The following CEACAM21 variants were observed in gnomAD, a reference collection of about 807,000 sequenced individuals.
CEACAM21 encodes cell adhesion molecule CEACAM21.
Under a neutral mutation model 33.2 loss-of-function variants are expected in CEACAM21, and 38 were observed. The ratio of observed to expected loss-of-function variants is 1.14; its 90% CI spans 0.88 to 1.50. CEACAM21 has a LOEUF of 1.50. Among genes scored for constraint, CEACAM21 ranks in the 40% most tolerant of loss-of-function variants. The pLI, the probability that CEACAM21 is intolerant of heterozygous loss-of-function variation, is 0.00. For missense variants in CEACAM21, 385 were observed against 364.6 expected, an observed-to-expected ratio of 1.06 and a Z score of -0.46; for synonymous variants, 156 against 143.0, an observed-to-expected ratio of 1.09 and a Z score of -0.65.
intron 1 of CEACAM21, among the ~76,000 whole-genome samples, chr19:41,560,049 T>G (rs1263203059): frequency 6.6e-6 from 1 of 152,106 alleles, no homozygotes; most frequent in African/African-American, 2.4e-5. Flanking sequence ...CAACCAATAA[T>G]GAAACTGAAT....
At chr19:41,563,567 C>T (rs1340891310) in intron 1 of CEACAM21, among the ~76,000 whole-genome samples, 1 of 152,228 alleles carries the variant, frequency 6.6e-6, no homozygotes, top group African/African-American at 2.4e-5. Flanking sequence ...ATGAGGCGGT[C>T]AGAGAGGATC....
Position 41,577,486 on chromosome 19 carries a change from G to A in CEACAM21, c.351G>A (p.Thr117=), listed in dbSNP as rs369810525. Residue 117 remains threonine, a synonymous_variant, in exon 2 of 7, where the codon ACG becomes ACA. Coordinates refer to ENST00000401445, the MANE Select transcript of CEACAM21 (RefSeq NM_001098506.4). The part of the protein sequence containing the change: ...LHFQNVTLED[T]GYYNLQVTYR... The stretch of plus-strand genomic sequence containing the variant: ...TCCAGAACGTCACCCTAGAGGACAC[G>A]GGATACTACAACCTACAAGTCACAT... 3.0e-5 allele frequency: 48 copies of A among 1,613,896 alleles called. No homozygotes were observed. Among genetic ancestry groups the A allele is most frequent in the African/African-American group, 2.9e-4 (22 of 74,872 alleles).
intron 1 of CEACAM21, among the ~76,000 whole-genome samples, chr19:41,556,026 C>A (rs924195843): frequency 1.3e-5 from 2 of 152,196 alleles, no homozygotes; most frequent in Non-Finnish European, 2.9e-5. Flanking sequence ...AGCTGCAGAC[C>A]TGGAGGAGCC....
chr19:41,564,164 T>A (rs140295895), intron 1 of CEACAM21, among the ~76,000 whole-genome samples: 14 of 151,892 alleles, frequency 9.2e-5, no homozygotes, highest in African/African-American at 3.1e-4. Flanking sequence ...CAGACAGGGA[T>A]GAAAAATCGA....
chr19:41,576,551 C>T (rs1276040807), intron 1 of CEACAM21, among the ~76,000 whole-genome samples: 1 of 152,242 alleles, frequency 6.6e-6, no homozygotes, highest in African/African-American at 2.4e-5. Context: ...AGTTCATTGT[C>T]AGTGGCCACT....
chr19:41,586,654 G>A lies in CEACAM21; in HGVS notation c.*191G>A, dbSNP rs1667885042. The A allele has an allele frequency of 3.9e-6, 2 of 512,744 alleles. No homozygotes were observed. The highest frequency in any genetic ancestry group is 3.9e-5 in the African/African-American group (2 of 50,850). The allele number at this position is 512,744 out of a possible 1,614,324, so 31.8% of individuals were successfully genotyped here. A position where few individuals can be genotyped will look rare whatever the true frequency, so the allele number is the denominator to read the frequency against. ...CTGAGTCCTGAGGAGACACAGGCCT[G>A]GGGACAGGAAGGGATGGGGGTCCCT... On this transcript the variant is annotated 3_prime_UTR_variant, in exon 7 of 7. Coordinates refer to ENST00000401445, the MANE Select transcript of CEACAM21 (RefSeq NM_001098506.4).
intron 3 of CEACAM21, among the ~76,000 whole-genome samples, chr19:41,583,742 A>G (rs2070489155): frequency 6.6e-6 from 1 of 152,090 alleles, no homozygotes; most frequent in Non-Finnish European, 1.5e-5. Flanking sequence ...TGATTCAATT[A>G]CCTCCCACAA....
upstream of CEACAM21, chr19:41,576,126 C>T (rs7257601): frequency 9.3e-3 from 7,752 of 832,864 alleles, 452 homozygotes; most frequent in African/African-American, 0.11. Flanking sequence ...CCGCCCTTGC[C>T]CATAAACGGG....
intron 3 of CEACAM21, among the ~76,000 whole-genome samples, chr19:41,580,628 A>G (rs1391330557): frequency 1.3e-5 from 2 of 152,198 alleles, no homozygotes; most frequent in African/African-American, 4.8e-5. Flanking sequence ...GCAGATGAAG[A>G]GATGCACAGA....
intron 2 of CEACAM21, among the ~76,000 whole-genome samples, chr19:41,566,931 T>C (rs1005983384): frequency 6.6e-6 from 1 of 152,226 alleles, no homozygotes; most frequent in Admixed American, 6.5e-5. Context: ...AGTTTTAAAA[T>C]ATATTGGTAC....
At chr19:41,563,776 G>A (rs1447595548) in intron 1 of CEACAM21, among the ~76,000 whole-genome samples, 1 of 152,224 alleles carries the variant, frequency 6.6e-6, no homozygotes, top group African/African-American at 2.4e-5. Flanking sequence ...CTTTTCCACT[G>A]GACGCCATTT....
At chr19:41,573,029 G>A (rs868909847), upstream of CEACAM21, among the ~76,000 whole-genome samples, 2 of 152,158 alleles carry the variant, frequency 1.3e-5, no homozygotes, top group Non-Finnish European at 2.9e-5. Flanking sequence ...CCCTGTGCCA[G>A]GTAGACCAAG....
At chr19:41,561,174 A>G (rs1340460552) in intron 1 of CEACAM21, among the ~76,000 whole-genome samples, 2 of 152,182 alleles carry the variant, frequency 1.3e-5, no homozygotes, top group Non-Finnish European at 2.9e-5. Flanking sequence ...CAATTTTTAA[A>G]ACAAACTTTT....
In CEACAM21 at chr19:41,576,283, C is replaced by T. The variant is rs781825301; in HGVS notation, c.9C>T (p.Pro3=). 4.3e-6 allele frequency: 7 copies of T among 1,613,586 alleles called. No homozygotes were observed. The highest frequency in any genetic ancestry group is 1.3e-5 in the African/African-American group (1 of 74,894). Reference sequence around the variant, plus strand: ...AGCAGGCAGCAGAGACCATGGGGCCCCCCTCAGCTTGTCCCCACAGAGAAT... The same window carrying T: ...AGCAGGCAGCAGAGACCATGGGGCCTCCCTCAGCTTGTCCCCACAGAGAAT... The part of the protein sequence containing the change: MG[P]PSACPHRECI... Residue 3 remains proline, a synonymous_variant, in exon 1 of 7, where the codon CCC becomes CCT. Coordinates refer to ENST00000401445, the MANE Select transcript of CEACAM21 (RefSeq NM_001098506.4).
At chr19:41,586,243 C>T (rs1240325033) in intron 6 of CEACAM21, 1 of 529,216 alleles carries the variant, frequency 1.9e-6, no homozygotes, top group African/African-American at 1.9e-5. Context: ...CCAGGGAGAC[C>T]CAGGATCTGT....
At chr19:41,553,310 G>C (rs1292799928) in intron 1 of CEACAM21, among the ~76,000 whole-genome samples, 2 of 150,422 alleles carry the variant, frequency 1.3e-5, no homozygotes, top group Non-Finnish European at 3.0e-5. Flanking sequence ...CACCGTGTTG[G>C]CCAGGCTGGT....
upstream of CEACAM21, among the ~76,000 whole-genome samples, chr19:41,573,455 C>T (rs1230164321): frequency 6.6e-6 from 1 of 152,204 alleles, no homozygotes; most frequent in Non-Finnish European, 1.5e-5. Flanking sequence ...CTGCTCCTCC[C>T]AACCAGGGTC....
At chr19:41,575,610 C>T (rs1665986718), upstream of CEACAM21, among the ~76,000 whole-genome samples, 1 of 152,226 alleles carries the variant, frequency 6.6e-6, no homozygotes, top group South Asian at 2.1e-4. Flanking sequence ...GAGCCTCCCA[C>T]CTCCTTCCAT....
intron 3 of CEACAM21, among the ~76,000 whole-genome samples, chr19:41,582,023 A>T (rs1485986268): frequency 6.6e-6 from 1 of 152,186 alleles, no homozygotes; most frequent in African/African-American, 2.4e-5. Flanking sequence ...TTCCACCTAT[A>T]AGCCTGTAAA....
Sources: allele counts gnomAD v4.1 joint callset (sites outside exome capture counted in the v4.1 genomes callset), GRCh38; gene constraint gnomAD v4.1.1; transcripts MANE v1.5; gene names NCBI Gene and HGNC (gene_info 2026-07-23, HGNC 2026-07-21).